Variants in WDR27 observed in about 807,000 individuals in gnomAD.
WDR27 encodes WD repeat domain 27.
Under a neutral mutation model 114.4 loss-of-function variants are expected in WDR27, and 100 were observed. The ratio of observed to expected loss-of-function variants is 0.87; its 90% CI spans 0.74 to 1.03. The LOEUF (loss-of-function observed/expected upper bound fraction) is 1.03, where lower values mean the gene tolerates loss of function less well. WDR27 is among the 50% of genes least tolerant of loss of function. The pLI is 0.00. For synonymous variants in WDR27, 449 were observed against 423.1 expected, an observed-to-expected ratio of 1.06 and a Z score of -0.75; for missense variants, 1,129 against 1,092.9, an observed-to-expected ratio of 1.03 and a Z score of -0.47.
intron 2 of WDR27, among the ~76,000 whole-genome samples, chr6:169,674,584 G>T (rs1779599293): frequency 6.6e-6 from 1 of 152,194 alleles, no homozygotes; most frequent in South Asian, 2.1e-4. Context: ...AGTGAGCTGT[G>T]GGAAACTTCA....
At position 169,665,487 on chromosome 6, in the gene WDR27, T is replaced by C. The variant is rs1827587044; in HGVS notation, c.782A>G (p.Gln261Arg). 3.1e-6 allele frequency: 5 copies of C among 1,613,174 alleles called. No individual in the cohort carries two copies. The highest frequency in any genetic ancestry group is 1.3e-5 in the African/African-American group (1 of 74,896). ...RQLVTGCADG[Q>R]LWIFSLMDGH... ...AACTTAACTCTGTGGCTGTCTCACCTGGCCGTCAGCACACCCGGTGACCAG... is the reference window on the plus strand; with the variant it reads ...AACTTAACTCTGTGGCTGTCTCACCCGGCCGTCAGCACACCCGGTGACCAG... Residue 261 changes from glutamine (Q) to arginine (R), a missense_variant and splice_region_variant, in exon 7 of 26, where the codon CAG becomes CGG. Physicochemically the swap from Gln to Arg is conservative, Grantham distance 43 (BLOSUM62 1). Coordinates refer to ENST00000448612, the MANE Select transcript of WDR27 (RefSeq NM_182552.5).
chr6:169,648,075 C>T (rs944388714), intron 15 of WDR27, among the ~76,000 whole-genome samples: 12 of 152,140 alleles, frequency 7.9e-5, no homozygotes, highest in Admixed American at 5.2e-4. Context: ...TTACATTCCA[C>T]ATTGCCAAAA....
chr6:169,568,895 G>A (rs1345727750), intron 25 of WDR27, among the ~76,000 whole-genome samples: 1 of 152,160 alleles, frequency 6.6e-6, no homozygotes, highest in African/African-American at 2.4e-5. Flanking sequence ...ACTTCTCTGT[G>A]GGATGTGGTA....
At chr6:169,636,340 A>G in intron 19 of WDR27, 31 bp downstream of exon 19, 7 of 1,601,096 alleles carry the variant, frequency 4.4e-6, no homozygotes, top group Non-Finnish European at 5.9e-6. Context: ...CCTGTGATCT[A>G]AAAATAATGC....
intron 25 of WDR27, among the ~76,000 whole-genome samples, chr6:169,529,314 G>GT (rs71660650): frequency 1.8e-5 from 1 of 54,220 alleles, no homozygotes; most frequent in South Asian, 6.8e-4. Flanking sequence ...GACCTCTGCG[G>GT]GGGGGGGGGG....
At chr6:169,650,053 C>T (rs1208066134) in intron 14 of WDR27, among the ~76,000 whole-genome samples, 1 of 149,786 alleles carries the variant, frequency 6.7e-6, no homozygotes, top group African/African-American at 2.5e-5. Context: ...TCTCCCCATC[C>T]CTCCATCACC....
intron 21 of WDR27, among the ~76,000 whole-genome samples, chr6:169,620,342 T>A (rs1262292906): frequency 6.6e-6 from 1 of 152,106 alleles, no homozygotes; most frequent in Non-Finnish European, 1.5e-5. Flanking sequence ...GCTACAGACC[T>A]CCCTCACAAT....
intron 22 of WDR27, among the ~76,000 whole-genome samples, chr6:169,606,100 G>A (rs891867647): frequency 6.6e-6 from 1 of 151,974 alleles, no homozygotes; most frequent in Non-Finnish European, 1.5e-5. Context: ...AATAAAAATA[G>A]ACAAATATGA....
chr6:169,531,815 G>A (rs1466156090), intron 25 of WDR27, among the ~76,000 whole-genome samples: 1 of 152,036 alleles, frequency 6.6e-6, no homozygotes, highest in Non-Finnish European at 1.5e-5. Flanking sequence ...CACCATGCCT[G>A]GCTAATTTTT....
At chr6:169,430,979 C>T in the WDR27 span, among the ~76,000 whole-genome samples, 4 of 152,112 alleles carry the variant, frequency 2.6e-5, no homozygotes, top group African/African-American at 9.7e-5. Flanking sequence ...GGTGGGAGCA[C>T]TCAGGGCACA....
At chr6:169,579,076 G>A (rs1471215540) in intron 24 of WDR27, among the ~76,000 whole-genome samples, 1 of 152,136 alleles carries the variant, frequency 6.6e-6, no homozygotes, top group Non-Finnish European at 1.5e-5. Flanking sequence ...TGGTGTCAGT[G>A]GCACCAGACA....
intron 25 of WDR27, among the ~76,000 whole-genome samples, chr6:169,514,424 G>A (rs956752121): frequency 6.8e-6 from 1 of 147,868 alleles, no homozygotes; most frequent in Non-Finnish European, 1.5e-5. Context: ...CAGATGTCTT[G>A]GAAATGTAAT....
At chr6:169,605,108 C>CAAAAAAAAA (rs59884264) in intron 22 of WDR27, among the ~76,000 whole-genome samples, 8,982 of 75,210 alleles carry the variant, frequency 0.12, 1,014 homozygotes, top group East Asian at 0.43. Context: ...AGCAATTAGG[C>CAAAAAAAAA]AAAAAAAAAA....
chr6:169,487,064 C>T (rs1038971649), intron 25 of WDR27, among the ~76,000 whole-genome samples: 1 of 152,132 alleles, frequency 6.6e-6, no homozygotes, highest in African/African-American at 2.4e-5. Flanking sequence ...GATTTGAATC[C>T]TGGCAGTGCC....
At chr6:169,544,311 T>C (rs1260550077) in intron 25 of WDR27, among the ~76,000 whole-genome samples, 1 of 152,032 alleles carries the variant, frequency 6.6e-6, no homozygotes, top group Non-Finnish European at 1.5e-5. Context: ...GACATGCTTA[T>C]TTACAGAGAA....
chr6:169,478,077 T>C (rs569802183), intron 25 of WDR27, among the ~76,000 whole-genome samples: 19 of 151,800 alleles, frequency 1.3e-4, no homozygotes, highest in African/African-American at 2.2e-4. Context: ...AAAAACAAGA[T>C]TGGAGGGACA....
At chr6:169,670,740 C>CA in intron 3 of WDR27, 47 bp from the exon 4 acceptor site, 1 of 1,607,892 alleles carries the variant, frequency 6.2e-7, no homozygotes. Context: ...ATGCATTCAG[C>CA]ATTACATTAA....
chr6:169,464,109 C>T (rs78926766), intron 25 of WDR27, among the ~76,000 whole-genome samples: 2,667 of 152,290 alleles, frequency 0.018, 80 homozygotes, highest in African/African-American at 0.061. Context: ...AGGATTCACA[C>T]TTTCTGATTT....
chr6:169,665,589 G>GT (rs1192126705), intron 6 of WDR27, 33 bp from the exon 7 acceptor site: 4 of 1,603,214 alleles, frequency 2.5e-6, no homozygotes, highest in Non-Finnish European at 3.4e-6. Flanking sequence ...ATTTAGCTTT[G>GT]TAAGTGCCTG....
Sources: allele counts gnomAD v4.1 joint callset (sites outside exome capture counted in the v4.1 genomes callset), GRCh38; gene constraint gnomAD v4.1.1; transcripts MANE v1.5; gene names NCBI Gene and HGNC (gene_info 2026-07-23, HGNC 2026-07-21).